Variants in TBC1D31 observed in about 807,000 individuals in gnomAD.
TBC1D31 encodes TBC1 domain family member 31.
TBC1D31 carries 99 observed loss-of-function variants against 132.9 expected under a neutral mutation model. That is an observed-to-expected ratio of 0.74 (90% CI 0.63 to 0.88). The LOEUF is 0.88. Among genes scored for constraint, TBC1D31 ranks in the 40% least tolerant of loss-of-function variants. The pLI, the probability that TBC1D31 is intolerant of heterozygous loss-of-function variation, is 0.00. For synonymous variants in TBC1D31, 385 were observed against 419.4 expected, an observed-to-expected ratio of 0.92 and a Z score of 1.00; for missense variants, 1,134 against 1,256.6, an observed-to-expected ratio of 0.90 and a Z score of 1.48.
chr8:123,159,307 A>T, the TBC1D31 span, among the ~76,000 whole-genome samples: 1 of 151,994 alleles, frequency 6.6e-6, no homozygotes, highest in Non-Finnish European at 1.5e-5. Context: ...CGAAAAGGAA[A>T]CAACCCAAGT....
At chr8:123,081,010 A>T (rs1815097640) in intron 2 of TBC1D31, among the ~76,000 whole-genome samples, 1 of 152,190 alleles carries the variant, frequency 6.6e-6, no homozygotes, top group African/African-American at 2.4e-5. Flanking sequence ...AAAGCCCAGT[A>T]TACTGGGCTC....
At chr8:123,142,778 G>A (rs756848899) in intron 19 of TBC1D31, among the ~76,000 whole-genome samples, 2 of 152,136 alleles carry the variant, frequency 1.3e-5, no homozygotes, top group African/African-American at 2.4e-5. Flanking sequence ...ATGACTAAGC[G>A]TCTTTCTCAT....
chr8:123,076,099 G>T (rs1037597002), intron 1 of TBC1D31, among the ~76,000 whole-genome samples: 2 of 151,856 alleles, frequency 1.3e-5, no homozygotes, highest in African/African-American at 4.8e-5. Context: ...TTCCCTATAC[G>T]TATTTTTCTT....
intron 4 of TBC1D31, among the ~76,000 whole-genome samples, chr8:123,086,109 T>C (rs1815716074): frequency 6.6e-6 from 1 of 152,200 alleles, no homozygotes; most frequent in South Asian, 2.1e-4. Context: ...TTTTGTCCTT[T>C]ATGTCCCCTG....
At chr8:123,130,092 G>T in intron 15 of TBC1D31, 106 bp from the exon 16 acceptor site, 1 of 1,106,270 alleles carries the variant, frequency 9.0e-7, no homozygotes. Context: ...TCAAATAAAG[G>T]ATATCAATTG....
intron 1 of TBC1D31, 24 bp downstream of exon 1, chr8:123,072,870 C>T (rs953552012): frequency 1.3e-6 from 2 of 1,552,224 alleles, no homozygotes; most frequent in Admixed American, 2.0e-5. Flanking sequence ...CGGGAGGGCG[C>T]GGGCTGTGGA....
chr8:123,073,490 G>T, intron 1 of TBC1D31: 3 of 437,558 alleles, frequency 6.9e-6, no homozygotes, highest in South Asian at 4.9e-5. Flanking sequence ...TACGGCCAGC[G>T]CTGCTTTTCA....
chr8:123,128,139 G>T, intron 13 of TBC1D31, 142 bp from the exon 14 acceptor site: 1 of 465,930 alleles, frequency 2.1e-6, no homozygotes, highest in Non-Finnish European at 3.8e-6. Context: ...TGTAAAACTT[G>T]AGTAAAGAAA....
chr8:123,077,018 A>G, intron 1 of TBC1D31, 93 bp from the exon 2 acceptor site: 1 of 1,248,570 alleles, frequency 8.0e-7, no homozygotes, highest in Non-Finnish European at 1.1e-6. Context: ...GAGAGGGAAG[A>G]ATGAACAGAC....
intron 14 of TBC1D31, 57 bp downstream of exon 14, chr8:123,128,570 G>A: frequency 9.0e-7 from 1 of 1,113,816 alleles, no homozygotes; most frequent in Non-Finnish European, 1.3e-6. Context: ...ATAAACATAA[G>A]AAAGTTTTAA....
rs151065932 is a variant in TBC1D31, at chr8:123,151,843, G to A, written c.3105G>A (p.Thr1035=). The A allele has an allele frequency of 6.9e-6, 11 of 1,585,752 alleles. No individual in the cohort carries two copies. Among genetic ancestry groups the A allele is most frequent in the African/African-American group, 1.4e-5 (1 of 73,132 alleles). The change falls in exon 22 of 22, where the codon ACG becomes ACA. Residue 1035 remains threonine (T), a synonymous_variant. Transcript: ENST00000287380. ...GAAGAGCAGTAGAATGGGACACCAC[G>A]GGACAGAATCTTATTAAGAAAGTGA... is the stretch of plus-strand genomic sequence containing the variant. The part of the protein sequence containing the change: ...LNRRAVEWDT[T]GQNLIKKVRN...
chr8:123,142,727 T>C (rs753282481), intron 19 of TBC1D31, among the ~76,000 whole-genome samples: 9 of 152,244 alleles, frequency 5.9e-5, no homozygotes, highest in African/African-American at 9.6e-5. Flanking sequence ...TTTTAATAGG[T>C]GTTTGTCAGA....
intron 6 of TBC1D31, among the ~76,000 whole-genome samples, chr8:123,099,092 T>C (rs76094332): frequency 3.9e-5 from 6 of 152,226 alleles, no homozygotes; most frequent in African/African-American, 4.8e-5. Context: ...TAAACTTTTT[T>C]ATTACATTTT....
chr8:123,150,339 T>C (rs1318083990), intron 21 of TBC1D31, among the ~76,000 whole-genome samples: 1 of 152,244 alleles, frequency 6.6e-6, no homozygotes, highest in Non-Finnish European at 1.5e-5. Context: ...GAAAATGTGC[T>C]GAATCCACTA....
intron 2 of TBC1D31, among the ~76,000 whole-genome samples, chr8:123,080,448 A>AG (rs1281407563): frequency 6.6e-6 from 1 of 151,318 alleles, no homozygotes; most frequent in African/African-American, 2.4e-5. Context: ...AGAAGGGAAG[A>AG]GGGACCCCTT....
chr8:123,156,780 T>C (rs560845738), downstream of TBC1D31, among the ~76,000 whole-genome samples: 2 of 152,310 alleles, frequency 1.3e-5, no homozygotes, highest in South Asian at 4.1e-4. Flanking sequence ...GCCTCTCTCA[T>C]CAATGCTGCC....
Position 123,105,297 on chromosome 8 carries a change from C to T in TBC1D31, c.1042C>T (p.Pro348Ser). Residue 348 changes from proline to serine, a missense_variant, in exon 8 of 22, where the codon CCT becomes TCT. Transcript: ENST00000287380. ...TTATTTTTCCATTTAGCCACCTCCG[C>T]CTTTAGTGAAAGTTATTGAAGATTT... is the stretch of plus-strand genomic sequence containing the variant. ...LTQEINKPPPPLVKVIEDLPK... is the reference protein window; with the variant it reads ...LTQEINKPPPSLVKVIEDLPK... The T allele has an allele frequency of 1.3e-6, 2 of 1,556,160 alleles. No homozygotes were observed. The highest frequency in any genetic ancestry group is 1.7e-6 in the Non-Finnish European group (2 of 1,150,552).
At chr8:123,142,497 A>ATTTT (rs35381039) in intron 19 of TBC1D31, 41 bp downstream of exon 19, 60 of 1,111,580 alleles carry the variant, frequency 5.4e-5, no homozygotes, top group South Asian at 1.2e-4. Context: ...TCAAGCATTG[A>ATTTT]TTTTTTTTTT....
intron 10 of TBC1D31, among the ~76,000 whole-genome samples, chr8:123,118,239 T>G (rs1032735289): frequency 2.2e-5 from 3 of 138,052 alleles, no homozygotes; most frequent in Non-Finnish European, 4.7e-5. Flanking sequence ...AAAATCTGAG[T>G]AAAGTCCATA....
Sources: allele counts gnomAD v4.1 joint callset (sites outside exome capture counted in the v4.1 genomes callset), GRCh38; gene constraint gnomAD v4.1.1; transcripts MANE v1.5; gene names NCBI Gene and HGNC (gene_info 2026-07-23, HGNC 2026-07-21).